The following PCDHAC2 variants were observed in gnomAD, a reference collection of about 807,000 sequenced individuals.
PCDHAC2 encodes the protein protocadherin alpha subfamily C, 2, also known as protocadherin alpha-C2.
PCDHAC2 carries 24 observed loss-of-function variants against 63.3 expected under a neutral mutation model. The ratio of observed to expected loss-of-function variants is 0.38; its 90% CI spans 0.27 to 0.53. PCDHAC2 has a LOEUF of 0.53. Ranked by LOEUF, PCDHAC2 falls within the 20% of genes least tolerant of loss-of-function variation. The pLI, the probability that PCDHAC2 is intolerant of heterozygous loss-of-function variation, is 0.81. For missense variants in PCDHAC2, 1,181 were observed against 1,275.2 expected, an observed-to-expected ratio of 0.93 and a Z score of 1.12; for synonymous variants, 569 against 529.4, an observed-to-expected ratio of 1.07 and a Z score of -1.03.
intron 3 of PCDHAC2, among the ~76,000 whole-genome samples, chr5:140,998,365 A>G (rs1434602564): frequency 6.6e-6 from 1 of 152,142 alleles, no homozygotes; most frequent in African/African-American, 2.4e-5. Context: ...ACCACTGCAC[A>G]CACCGTCTCT....
At chr5:140,987,963 T>C (rs2097275753) in intron 3 of PCDHAC2, among the ~76,000 whole-genome samples, 1 of 152,190 alleles carries the variant, frequency 6.6e-6, no homozygotes, top group Non-Finnish European at 1.5e-5. Context: ...CAACTCCCCA[T>C]GGAAAGACTC....
At chr5:140,983,463 C>T (rs1554245464) in intron 3 of PCDHAC2, among the ~76,000 whole-genome samples, 1 of 152,208 alleles carries the variant, frequency 6.6e-6, no homozygotes, top group Non-Finnish European at 1.5e-5. Flanking sequence ...AATAGAACAT[C>T]ATGATGATAA....
At chr5:140,987,880 T>A (rs2097271532) in intron 3 of PCDHAC2, among the ~76,000 whole-genome samples, 1 of 152,112 alleles carries the variant, frequency 6.6e-6, no homozygotes, top group Non-Finnish European at 1.5e-5. Context: ...AAATGGACAG[T>A]TTATGTGCCC....
At chr5:140,978,782 A>C (rs782295456) in intron 1 of PCDHAC2, 167 bp from the exon 2 acceptor site, 1 of 971,546 alleles carries the variant, frequency 1.0e-6, no homozygotes, top group African/African-American at 1.8e-5. Flanking sequence ...TTTTCTTCTA[A>C]AGTGCTATAT....
At chr5:140,996,087 G>C (rs1178912945) in intron 3 of PCDHAC2, among the ~76,000 whole-genome samples, 3 of 152,200 alleles carry the variant, frequency 2.0e-5, no homozygotes, top group Non-Finnish European at 4.4e-5. Flanking sequence ...GTTTTTGCTA[G>C]ATTACATGGA....
At chr5:141,007,395 CAAAAAAAA>C (rs35800918) in intron 3 of PCDHAC2, among the ~76,000 whole-genome samples, 98 of 94,844 alleles carry the variant, frequency 1.0e-3, no homozygotes, top group African/African-American at 2.9e-3. Context: ...TACTAAAATA[CAAAAAAAA>C]AAAAAAAAAA....
At chr5:140,974,165 G>A (rs1298109600) in intron 1 of PCDHAC2, among the ~76,000 whole-genome samples, 1 of 152,164 alleles carries the variant, frequency 6.6e-6, no homozygotes, top group Admixed American at 6.5e-5. Flanking sequence ...TTTCTTTCAA[G>A]AATTTTAACT....
At position 140,982,704 on chromosome 5, in the gene PCDHAC2, C is replaced by T. The variant is rs1393323812; in HGVS notation, c.2713+141C>T. ...CTTTTTTCCATACATACATGATTTCCTTACATATATGATTATTTTGATTTT... is the reference window on the plus strand; with the variant it reads ...CTTTTTTCCATACATACATGATTTCTTTACATATATGATTATTTTGATTTT... On this transcript the variant is annotated intron_variant, in intron 3 of 3. Coordinates refer to ENST00000289269, the MANE Select transcript of PCDHAC2 (RefSeq NM_018899.6). 8 of 1,377,410 alleles carry T rather than the reference C, an allele frequency of 5.8e-6. No homozygotes were observed. In the African/African-American group the frequency reaches 1.2e-4, roughly 20 times the overall value. The allele number at this position is 1,377,410 out of a possible 1,614,324, so 85.3% of individuals were successfully genotyped here. A position where few individuals can be genotyped will look rare whatever the true frequency, so the allele number is the denominator to read the frequency against.
intron 1 of PCDHAC2, among the ~76,000 whole-genome samples, chr5:140,976,501 A>G (rs568983330): frequency 6.6e-6 from 1 of 152,240 alleles, no homozygotes; most frequent in East Asian, 1.9e-4. Context: ...CAGGGAGCCA[A>G]GATCGCGCCA....
At chr5:141,009,262 C>T (rs2098403740) in intron 3 of PCDHAC2, among the ~76,000 whole-genome samples, 2 of 152,112 alleles carry the variant, frequency 1.3e-5, no homozygotes, top group Non-Finnish European at 2.9e-5. Flanking sequence ...TGAGACCAGC[C>T]TGGGCAACAT....
Position 141,010,957 on chromosome 5 carries a change from C to CT in PCDHAC2, c.*1021dup, listed in dbSNP as rs1342734442. The CT allele has an allele frequency of 6.5e-5, 10 of 153,858 alleles. No homozygotes were observed. Among genetic ancestry groups the CT allele is most frequent in the African/African-American group, 2.4e-4 (10 of 41,554 alleles). The allele number at this position is 153,858 out of a possible 1,614,324, so 9.5% of individuals were successfully genotyped here. A position where few individuals can be genotyped will look rare whatever the true frequency, so the allele number is the denominator to read the frequency against. On this transcript the variant is annotated 3_prime_UTR_variant, in exon 4 of 4. Coordinates refer to ENST00000289269, the MANE Select transcript of PCDHAC2 (RefSeq NM_018899.6). ...ACAGCCATTTAAATGATCATTGCTG[C>CT]TACAGAAGTGCTTTAAGAGAATTGC...
Position 140,967,373 on chromosome 5 carries a change from A to C in PCDHAC2, c.607A>C (p.Asn203His). The C allele has an allele frequency of 6.2e-7, 1 of 1,607,416 alleles. No homozygotes were observed. The highest frequency in any genetic ancestry group is 8.5e-7 in the Non-Finnish European group (1 of 1,175,128). Residue 203 changes from asparagine to histidine, a missense_variant, in exon 1 of 4, where the codon AAC becomes CAC. Physicochemically the swap from Asn to His is moderately conservative, Grantham distance 68. Transcript: ENST00000289269. ...FELDLKPLQE[N>H]SKVLELVLRK... ...GCTGGACCTTAAGCCCCTGCAGGAG[A>C]ACAGTAAAGTGCTTGAGCTGGTGCT...
In PCDHAC2 at chr5:140,989,027, CATT is replaced by C. The variant is rs1413017003; in HGVS notation, c.2713+6465_2713+6467del. The C allele has an allele frequency of 1.4e-4, 22 of 152,178 alleles. 1 individual carries two copies. The highest frequency in any genetic ancestry group is 1.4e-3 in the Admixed American group (22 of 15,274). The allele number at this position is 152,178 out of a possible 1,614,324, so 9.4% of individuals were successfully genotyped here. A position where few individuals can be genotyped will look rare whatever the true frequency, so the allele number is the denominator to read the frequency against. ...GACTTATTATAGTTTCTTCAGTTAT[CATT>C]GATTCCTTTAATATGCCAGCTACAT... On this transcript the variant is annotated intron_variant, in intron 3 of 3. Transcript: ENST00000289269.
At chr5:141,002,491 A>G (rs1244268735) in intron 3 of PCDHAC2, among the ~76,000 whole-genome samples, 1 of 152,214 alleles carries the variant, frequency 6.6e-6, no homozygotes, top group Non-Finnish European at 1.5e-5. Flanking sequence ...TGACCTTGTT[A>G]TACAGCTCAG....
chr5:140,985,532 G>A (rs1358120172), intron 3 of PCDHAC2, among the ~76,000 whole-genome samples: 2 of 152,190 alleles, frequency 1.3e-5, no homozygotes, highest in African/African-American at 4.8e-5. Context: ...AAAGCTTCAC[G>A]GTGAAGATGC....
intron 2 of PCDHAC2, among the ~76,000 whole-genome samples, chr5:140,981,149 G>T (rs2096919822): frequency 6.6e-6 from 1 of 152,202 alleles, no homozygotes; most frequent in South Asian, 2.1e-4. Flanking sequence ...AGAAAACATT[G>T]AACTTATATG....
intron 3 of PCDHAC2, among the ~76,000 whole-genome samples, chr5:140,993,462 TCA>T (rs3836747): frequency 0.093 from 13,122 of 140,864 alleles, 629 homozygotes; most frequent in African/African-American, 0.12. Flanking sequence ...TCTTTCTTTC[TCA>T]CACACACACA....
At chr5:140,978,896 G>T in intron 1 of PCDHAC2, 53 bp from the exon 2 acceptor site, 1 of 1,612,808 alleles carries the variant, frequency 6.2e-7, no homozygotes, top group South Asian at 1.1e-5. Context: ...CAGCATTCCT[G>T]GGAGAACATT....
Position 140,971,633 on chromosome 5 carries a change from T to A in PCDHAC2, c.2565+2302T>A, listed in dbSNP as rs540754440. 2.0e-5 allele frequency among the ~76,000 whole-genome samples: 3 copies of A among 152,294 alleles called. No individual in the cohort carries two copies. The South Asian group carries it at 6.2e-4, about 32-fold the overall frequency. On this transcript the variant is annotated intron_variant, in intron 1 of 3. Transcript: ENST00000289269. ...GAGTCCTGGGGTACAATTAGTACCA[T>A]GTGCCTACATTAAAAGTAGATGGGA...
Sources: allele counts gnomAD v4.1 joint callset (sites outside exome capture counted in the v4.1 genomes callset), GRCh38; gene constraint gnomAD v4.1.1; transcripts MANE v1.5; gene names NCBI Gene and HGNC (gene_info 2026-07-23, HGNC 2026-07-21).